The following RHOU variants were observed in gnomAD, a reference collection of about 807,000 sequenced individuals.
RHOU encodes the protein ras homolog family member U.
In RHOU, 8 loss-of-function variants were observed where a neutral mutation model predicts 12.6. The observed-to-expected ratio is 0.64, with a 90% CI of 0.37 to 1.15. The LOEUF (loss-of-function observed/expected upper bound fraction) is 1.15, where lower values mean the gene tolerates loss of function less well. RHOU is among the 50% of genes most tolerant of loss of function. RHOU has a pLI of 0.01. For synonymous variants in RHOU, 161 were observed against 147.4 expected, an observed-to-expected ratio of 1.09 and a Z score of -0.67; for missense variants, 258 against 347.0, an observed-to-expected ratio of 0.74 and a Z score of 2.04.
At chr1:228,659,326 C>T in the RHOU span, among the ~76,000 whole-genome samples, 8 of 151,284 alleles carry the variant, frequency 5.3e-5, no homozygotes, top group Admixed American at 1.3e-4. Flanking sequence ...TGCAGTGAGC[C>T]GAGATCACAC....
At chr1:228,709,632 C>A in the RHOU span, among the ~76,000 whole-genome samples, 1 of 143,728 alleles carries the variant, frequency 7.0e-6, no homozygotes, top group Non-Finnish European at 1.5e-5. Flanking sequence ...ACACAACATA[C>A]CAGAATCTCT....
chr1:228,729,855 A>G, the RHOU span, among the ~76,000 whole-genome samples: 2 of 152,236 alleles, frequency 1.3e-5, no homozygotes, highest in Non-Finnish European at 2.9e-5. Context: ...CTAGTTATCT[A>G]CAAGGTGATG....
chr1:228,721,112 G>A, the RHOU span, among the ~76,000 whole-genome samples: 1 of 151,840 alleles, frequency 6.6e-6, no homozygotes, highest in African/African-American at 2.4e-5. Context: ...GACCAGCCTG[G>A]CCAACATGGT....
chr1:228,664,552 G>A, the RHOU span, among the ~76,000 whole-genome samples: 1 of 152,138 alleles, frequency 6.6e-6, no homozygotes, highest in South Asian at 2.1e-4. Flanking sequence ...AACAAACAAA[G>A]CAAGAAACCA....
the RHOU span, among the ~76,000 whole-genome samples, chr1:228,688,062 C>A: frequency 6.9e-6 from 1 of 145,364 alleles, no homozygotes; most frequent in Non-Finnish European, 1.5e-5. Context: ...GTGAGCTGTA[C>A]AAGAGCAAGG....
chr1:228,705,503 AT>A, the RHOU span, among the ~76,000 whole-genome samples: 3 of 152,142 alleles, frequency 2.0e-5, no homozygotes, highest in East Asian at 1.9e-4. Flanking sequence ...TTAGCTAATG[AT>A]TTTTTTCCCC....
the RHOU span, among the ~76,000 whole-genome samples, chr1:228,694,529 T>G: frequency 1.3e-5 from 2 of 152,154 alleles, no homozygotes; most frequent in African/African-American, 4.8e-5. Context: ...CAGGAGTCCA[T>G]GTGTTCTCAT....
At chr1:228,705,438 T>C in the RHOU span, among the ~76,000 whole-genome samples, 1 of 152,184 alleles carries the variant, frequency 6.6e-6, no homozygotes, top group African/African-American at 2.4e-5. Flanking sequence ...ATTAAGCAAT[T>C]AAGCATCTCA....
chr1:228,652,183 C>G, the RHOU span, among the ~76,000 whole-genome samples: 24 of 152,314 alleles, frequency 1.6e-4, no homozygotes, highest in East Asian at 4.6e-3. Context: ...GTGGCGGCAC[C>G]AGGTGCCAGG....
chr1:228,739,284 A>T (rs1662674248), intron 2 of RHOU, among the ~76,000 whole-genome samples: 1 of 152,172 alleles, frequency 6.6e-6, no homozygotes, highest in African/African-American at 2.4e-5. Context: ...AAACATGGCC[A>T]GCCAGGCGCG....
chr1:228,658,347 A>T, the RHOU span, among the ~76,000 whole-genome samples: 1 of 151,468 alleles, frequency 6.6e-6, no homozygotes, highest in Non-Finnish European at 1.5e-5. Flanking sequence ...TCTCATGAGG[A>T]TAGAAGTCCT....
chr1:228,699,606 T>C, the RHOU span, among the ~76,000 whole-genome samples: 1 of 151,942 alleles, frequency 6.6e-6, no homozygotes, highest in Non-Finnish European at 1.5e-5. Flanking sequence ...AGGATCTGAT[T>C]GTCATTAATC....
At chr1:228,726,851 T>C in the RHOU span, among the ~76,000 whole-genome samples, 5 of 152,192 alleles carry the variant, frequency 3.3e-5, 1 homozygote, top group South Asian at 8.3e-4. Context: ...TGTAGATTTG[T>C]GATCACCTGG....
At chr1:228,707,261 TGTGTGTG>T in the RHOU span, among the ~76,000 whole-genome samples, 1 of 75,742 alleles carries the variant, frequency 1.3e-5, no homozygotes, top group African/African-American at 1.1e-4. Flanking sequence ...ATATAGTGTG[TGTGTGTG>T]TGTGTGTGTG....
chr1:228,656,959 A>G, the RHOU span, among the ~76,000 whole-genome samples: 1 of 152,158 alleles, frequency 6.6e-6, no homozygotes, highest in Admixed American at 6.6e-5. Context: ...ATTAAAAACC[A>G]CGAATAGGAT....
the RHOU span, among the ~76,000 whole-genome samples, chr1:228,725,929 T>C: frequency 6.6e-6 from 1 of 152,212 alleles, no homozygotes; most frequent in Non-Finnish European, 1.5e-5. Context: ...GATCTTTCAA[T>C]GGAGTATGAT....
At chr1:228,714,621 T>A in the RHOU span, among the ~76,000 whole-genome samples, 2 of 152,140 alleles carry the variant, frequency 1.3e-5, no homozygotes, top group African/African-American at 4.8e-5. Flanking sequence ...AATAGCCTCT[T>A]GTGATTTATT....
chr1:228,667,632 G>C, the RHOU span, among the ~76,000 whole-genome samples: 1 of 152,072 alleles, frequency 6.6e-6, no homozygotes. Context: ...ACTTGATTCT[G>C]GGAAATCGAC....
chr1:228,700,173 C>T, the RHOU span, among the ~76,000 whole-genome samples: 1,113 of 152,278 alleles, frequency 7.3e-3, 4 homozygotes, highest in Non-Finnish European at 1.0e-2. Context: ...CTCTTAACTA[C>T]GAATTTTGTT....
Sources: gnomAD v4.1 joint callset for allele counts (sites outside exome capture counted in the v4.1 genomes callset) on GRCh38, gnomAD v4.1.1 for gene constraint, MANE v1.5 for transcripts, NCBI Gene and HGNC (gene_info 2026-07-23, HGNC 2026-07-21) for gene names.